GALNT2: variants seen among roughly 807,000 people sequenced by gnomAD.
The protein encoded by GALNT2 is polypeptide N-acetylgalactosaminyltransferase 2.
Under a neutral mutation model 81.4 loss-of-function variants are expected in GALNT2, and 31 were observed. That is an observed-to-expected ratio of 0.38 (90% CI 0.29 to 0.51). The LOEUF is 0.51. Ranked by LOEUF, GALNT2 falls within the 20% of genes least tolerant of loss-of-function variation. The pLI is 0.87. For missense variants in GALNT2, 629 were observed against 765.7 expected, an observed-to-expected ratio of 0.82 and a Z score of 2.11; for synonymous variants, 303 against 287.4, an observed-to-expected ratio of 1.05 and a Z score of -0.55.
intron 3 of GALNT2, among the ~76,000 whole-genome samples, chr1:230,209,418 A>AT (rs1403721264): frequency 6.6e-6 from 1 of 152,050 alleles, no homozygotes; most frequent in Non-Finnish European, 1.5e-5. Flanking sequence ...GGAAAGAGAG[A>AT]TTTTTTTCCC....
At chr1:230,214,589 A>G (rs911011642) in intron 3 of GALNT2, among the ~76,000 whole-genome samples, 1 of 151,762 alleles carries the variant, frequency 6.6e-6, no homozygotes, top group Non-Finnish European at 1.5e-5. Flanking sequence ...CTGCCTTTTC[A>G]GATATTTCTT....
At chr1:230,167,355 C>T (rs1171454695) in intron 1 of GALNT2, among the ~76,000 whole-genome samples, 1 of 152,188 alleles carries the variant, frequency 6.6e-6, no homozygotes, top group Non-Finnish European at 1.5e-5. Context: ...CCACGTTGCC[C>T]AGGCTGGTCT....
chr1:230,075,187 A>G lies in GALNT2; in HGVS notation c.126+7781A>G, dbSNP rs182021057. Among the ~76,000 whole-genome samples the G allele has an allele frequency of 1.9e-4, 24 of 127,678 alleles. No homozygotes were observed. In the East Asian group the frequency reaches 4.9e-3, roughly 26 times the overall value. 83.8% of individuals were successfully genotyped at this position (127,678 alleles called of 152,430 possible). A position where few individuals can be genotyped will look rare whatever the true frequency, so the allele number is the denominator to read the frequency against. ...GTCGCCCAGGCTGGAGTGCAGTGGC[A>G]CAATCTCGGCTCACTGCAACCTCCG... On this transcript the variant is annotated intron_variant, in intron 1 of 15. Transcript: ENST00000366672.
At chr1:230,133,485 C>T (rs1053218831) in intron 1 of GALNT2, among the ~76,000 whole-genome samples, 5 of 147,624 alleles carry the variant, frequency 3.4e-5, no homozygotes, top group Admixed American at 2.1e-4. Flanking sequence ...CTCACTCTGT[C>T]GACCAGGCTG....
intron 1 of GALNT2, among the ~76,000 whole-genome samples, chr1:230,118,696 C>T (rs1464251257): frequency 6.6e-6 from 1 of 152,050 alleles, no homozygotes; most frequent in Admixed American, 6.5e-5. Context: ...GTCGGTTCTT[C>T]CCCGCGTGGC....
chr1:230,246,718 C>A (rs956221538), intron 8 of GALNT2, among the ~76,000 whole-genome samples: 1 of 152,154 alleles, frequency 6.6e-6, no homozygotes, highest in Non-Finnish European at 1.5e-5. Context: ...AACACCTGTG[C>A]CTACATCACC....
chr1:230,152,700 C>G (rs966017034), intron 1 of GALNT2, among the ~76,000 whole-genome samples: 2 of 152,192 alleles, frequency 1.3e-5, no homozygotes, highest in African/African-American at 4.8e-5. Context: ...CTAGATAATC[C>G]TTCTCCTACA....
At chr1:230,142,811 A>G (rs1436318736) in intron 1 of GALNT2, among the ~76,000 whole-genome samples, 1 of 152,158 alleles carries the variant, frequency 6.6e-6, no homozygotes, top group African/African-American at 2.4e-5. Flanking sequence ...CTGCGTGGGA[A>G]GGCTGGGTTT....
intron 1 of GALNT2, among the ~76,000 whole-genome samples, chr1:230,134,386 T>C (rs1434092003): frequency 6.6e-6 from 1 of 152,136 alleles, no homozygotes; most frequent in Non-Finnish European, 1.5e-5. Flanking sequence ...GGATTACAGG[T>C]GTGAGCCACT....
At chr1:230,101,897 A>G (rs1258598046) in intron 1 of GALNT2, among the ~76,000 whole-genome samples, 3 of 152,236 alleles carry the variant, frequency 2.0e-5, no homozygotes, top group African/African-American at 4.8e-5. Flanking sequence ...TAGTGGGGGC[A>G]GTTTCCTTAT....
chr1:230,173,444 A>G (rs2102859476), intron 1 of GALNT2, among the ~76,000 whole-genome samples: 1 of 152,310 alleles, frequency 6.6e-6, no homozygotes, highest in East Asian at 1.9e-4. Context: ...CTGTGGGGTA[A>G]TCATTCTGCA....
chr1:230,269,796 C>A (rs1666123595), intron 14 of GALNT2, among the ~76,000 whole-genome samples: 1 of 151,916 alleles, frequency 6.6e-6, no homozygotes, highest in African/African-American at 2.4e-5. Flanking sequence ...ACTCAGGAGG[C>A]TGAGATGGGA....
Position 230,260,020 on chromosome 1 carries a change from G to A in GALNT2, c.1137-2553G>A, listed in dbSNP as rs143967142. On this transcript the variant is annotated intron_variant, in intron 11 of 15. Coordinates refer to ENST00000366672, the MANE Select transcript of GALNT2 (RefSeq NM_004481.5). The stretch of plus-strand genomic sequence containing the variant: ...AACAAGGGCAGTTTAGACGTTAGAA[G>A]TTAGATGGAGTCAGTCAGGTCAGAT... Among the ~76,000 whole-genome samples the A allele has an allele frequency of 1.4e-4, 21 of 152,326 alleles. No individual in the cohort carries two copies. The East Asian group carries it at 3.9e-3, about 28-fold the overall frequency.
intron 2 of GALNT2, among the ~76,000 whole-genome samples, chr1:230,189,218 G>C (rs943698700): frequency 3.3e-5 from 5 of 152,168 alleles, no homozygotes; most frequent in Non-Finnish European, 5.9e-5. Flanking sequence ...AGGCTTAGGA[G>C]AGACGAGGGT....
chr1:230,204,167 T>TC (rs1491462500), intron 3 of GALNT2, among the ~76,000 whole-genome samples: 1 of 137,036 alleles, frequency 7.3e-6, no homozygotes, highest in Non-Finnish European at 1.6e-5. Flanking sequence ...TTTTTCTTTT[T>TC]CTTTTTTTTT....
chr1:230,067,278 A>G lies in GALNT2; in HGVS notation c.-3A>G. 7.4e-7 allele frequency: 1 copy of G among 1,343,474 alleles called. No individual in the cohort carries two copies. Among genetic ancestry groups the G allele is most frequent in the Non-Finnish European group, 9.7e-7 (1 of 1,034,840 alleles). The allele number at this position is 1,343,474 out of a possible 1,614,324, so 83.2% of individuals were successfully genotyped here. ...CGGCCCCGCCGGCGGCCGAGTTGGG[A>G]GAATGCGGCGGCGCTCGCGGATGCT... On this transcript the variant is annotated 5_prime_UTR_variant, in exon 1 of 16. Transcript: ENST00000366672.
chr1:230,166,860 T>G (rs1662619528), intron 1 of GALNT2, among the ~76,000 whole-genome samples: 2 of 152,064 alleles, frequency 1.3e-5, no homozygotes, highest in Non-Finnish European at 2.9e-5. Flanking sequence ...GGGGGAGTCA[T>G]GAGGAGTAAA....
chr1:230,182,243 A>T, intron 2 of GALNT2, among the ~76,000 whole-genome samples: 1 of 150,908 alleles, frequency 6.6e-6, no homozygotes, highest in South Asian at 2.1e-4. Context: ...GATTTCTGTA[A>T]TAATTTTTAG....
intron 1 of GALNT2, among the ~76,000 whole-genome samples, chr1:230,068,462 G>C (rs924294773): frequency 2.6e-5 from 4 of 152,178 alleles, no homozygotes; most frequent in African/African-American, 9.7e-5. Context: ...TGTAACCCTC[G>C]TTACTGTGAC....
Sources: gnomAD v4.1 joint callset for allele counts (sites outside exome capture counted in the v4.1 genomes callset) on GRCh38, gnomAD v4.1.1 for gene constraint, MANE v1.5 for transcripts, NCBI Gene and HGNC (gene_info 2026-07-23, HGNC 2026-07-21) for gene names.